The following NHEJ1 variants were observed in gnomAD, a reference collection of about 807,000 sequenced individuals.
NHEJ1 encodes non-homologous end joining factor 1, also known as non-homologous end-joining factor 1.
A neutral mutation model predicts 39.4 loss-of-function variants in NHEJ1; 22 were observed. The observed-to-expected ratio is 0.56, with a 90% CI of 0.40 to 0.80. The LOEUF is 0.80. NHEJ1 is among the 30% of genes least tolerant of loss of function. The probability of loss-of-function intolerance (pLI) is 0.00; values close to 1 mark genes in which losing one functional copy is unlikely to be tolerated. For missense variants in NHEJ1, 329 were observed against 357.1 expected (o/e 0.92, Z 0.63); for synonymous variants, 154 against 135.6 (o/e 1.14, Z -0.94).
chr2:219,150,595 G>A (rs909278612), intron 3 of NHEJ1, among the ~76,000 whole-genome samples: 18 of 152,172 alleles, frequency 1.2e-4, no homozygotes, highest in African/African-American at 3.1e-4. Context: ...CAAGGCAGGC[G>A]GATCGCTTGA....
intron 5 of NHEJ1, among the ~76,000 whole-genome samples, chr2:219,110,824 G>A (rs924475941): frequency 1.2e-4 from 19 of 152,160 alleles, no homozygotes; most frequent in Admixed American, 5.9e-4. Context: ...GGAAGGAGGC[G>A]GCCACCGTGG....
At position 219,147,680 on chromosome 2, in the gene NHEJ1, T is replaced by A. The variant is rs1244437243; in HGVS notation, c.506A>T (p.Glu169Val). The change falls in exon 4 of 8, where the codon GAG (glutamate) becomes GTG (valine). Residue 169 changes from glutamate (E) to valine (V), a missense_variant. Physicochemically the swap from Glu to Val is moderately radical, Grantham distance 121. Coordinates refer to ENST00000356853, the MANE Select transcript of NHEJ1 (RefSeq NM_024782.3). Reference sequence around the variant, plus strand: ...ACCTCGAATCAGCGTAGCCCCACTCTCCTGGTAGTCTTGGATCTCTAGGTC... The same window carrying A: ...ACCTCGAATCAGCGTAGCCCCACTCACCTGGTAGTCTTGGATCTCTAGGTC... The part of the protein sequence containing the change: ...MKDLEIQDYQ[E>V]SGATLIRDRL... The A allele has an allele frequency of 2.5e-6, 4 of 1,614,222 alleles. No homozygotes were observed. The highest frequency in any genetic ancestry group is 3.4e-6 in the Non-Finnish European group (4 of 1,180,036).
chr2:219,123,375 G>A (rs1949488792), intron 5 of NHEJ1, among the ~76,000 whole-genome samples: 1 of 152,178 alleles, frequency 6.6e-6, no homozygotes, highest in Non-Finnish European at 1.5e-5. Flanking sequence ...TACGACTGAT[G>A]CAGTGAGAGA....
chr2:219,074,369 C>T lies in NHEJ1; in HGVS notation c.*2012G>A, dbSNP rs1022803451. Among the ~76,000 whole-genome samples the T allele has an allele frequency of 1.3e-5, 2 of 152,180 alleles. No individual in the cohort carries two copies. The highest frequency in any genetic ancestry group is 2.9e-5 in the Non-Finnish European group (2 of 68,030). On this transcript the variant is annotated 3_prime_UTR_variant, in exon 8 of 8. Transcript: ENST00000356853. ...CCAGGGTGAAGAACCGGTATTTTCT[C>T]CAAGCTTGCAGGGGAAGCCTTTCCA...
rs114260982 is a variant in NHEJ1, at chr2:219,089,231, C to T, written c.589-11025G>A. 8.3e-3 allele frequency among the ~76,000 whole-genome samples: 1,263 copies of T among 152,222 alleles called. 9 individuals are homozygous for T. Among genetic ancestry groups the T allele is most frequent in the African/African-American group, 0.028 (1,181 of 41,500 alleles). On this transcript the variant is annotated intron_variant, in intron 5 of 7. Transcript: ENST00000356853. ...TACTATATGACCCAGCAATTCTACT[C>T]CTAGGTACATACCCAAGAGAACGGA...
chr2:219,154,762 T>C (rs7572601), intron 3 of NHEJ1, among the ~76,000 whole-genome samples: 106,629 of 151,200 alleles, frequency 0.71, 38,137 homozygotes, highest in Non-Finnish European at 0.76. Flanking sequence ...ACTCATCCCT[T>C]CCTAAACACT....
Position 219,080,123 on chromosome 2 carries a change from G to A in NHEJ1, c.589-1917C>T, listed in dbSNP as rs151037264. Among the ~76,000 whole-genome samples the A allele has an allele frequency of 1.2e-3, 176 of 152,276 alleles. 1 individual carries two copies. The highest frequency in any genetic ancestry group is 2.1e-3 in the Non-Finnish European group (143 of 68,006). On this transcript the variant is annotated intron_variant, in intron 5 of 7. Transcript: ENST00000356853. ...TGTGGAACCTAATCTAAGCCCTTCC[G>A]CTGTCCTTCCCCTTCTCAGAGAGAT...
At chr2:219,098,547 T>C (rs1574710446) in intron 5 of NHEJ1, among the ~76,000 whole-genome samples, 1 of 152,178 alleles carries the variant, frequency 6.6e-6, no homozygotes, top group East Asian at 1.9e-4. Context: ...AGTAGAAGTA[T>C]GGTTTAAGTC....
chr2:219,077,439 G>T, intron 6 of NHEJ1, 75 bp from the exon 7 acceptor site: 1 of 1,157,734 alleles, frequency 8.6e-7, no homozygotes, highest in Non-Finnish European at 1.3e-6. Context: ...CATTCACCAA[G>T]CATTCTGATA....
chr2:219,098,966 T>C (rs1325114645), intron 5 of NHEJ1, among the ~76,000 whole-genome samples: 2 of 151,934 alleles, frequency 1.3e-5, no homozygotes, highest in Admixed American at 6.6e-5. Context: ...CAATTGACCA[T>C]AGATGCTGGG....
At position 219,159,566 on chromosome 2, in the gene NHEJ1, T is replaced by TATATATATGTGC. The variant is rs1949902636; in HGVS notation, c.-1+1153_-1+1154insGCACATATATAT. Among the ~76,000 whole-genome samples, 3 of 17,682 alleles carry TATATATATGTGC rather than the reference T, an allele frequency of 1.7e-4. 1 individual carries two copies. Among genetic ancestry groups the TATATATATGTGC allele is most frequent in the African/African-American group, 4.6e-4 (3 of 6,574 alleles). The allele number at this position is 17,682 out of a possible 152,430, so 11.6% of individuals were successfully genotyped here. On this transcript the variant is annotated intron_variant, in intron 1 of 7. Transcript: ENST00000356853. ...ATATATATATGCATATATATATGCA[T>TATATATATGTGC]ATATATATGCATATATATATGCATA...
chr2:219,120,403 C>T (rs369699441), intron 5 of NHEJ1, among the ~76,000 whole-genome samples: 21 of 151,916 alleles, frequency 1.4e-4, no homozygotes, highest in Admixed American at 4.6e-4. Context: ...AAGATCAAGA[C>T]AAAAATATAA....
chr2:219,154,799 C>A (rs1002735859), intron 3 of NHEJ1, among the ~76,000 whole-genome samples: 8 of 150,644 alleles, frequency 5.3e-5, no homozygotes, highest in Non-Finnish European at 1.0e-4. Context: ...AATGTAGTTC[C>A]CCAATTAGAG....
chr2:219,137,595 A>AC (rs1553547570), intron 5 of NHEJ1, among the ~76,000 whole-genome samples: 15 of 82,772 alleles, frequency 1.8e-4, no homozygotes, highest in Admixed American at 3.6e-4. Context: ...AAAAAAAACA[A>AC]AAAAAACTGA....
At chr2:219,131,267 G>A (rs566352240) in intron 5 of NHEJ1, among the ~76,000 whole-genome samples, 17 of 152,284 alleles carry the variant, frequency 1.1e-4, no homozygotes, top group African/African-American at 4.1e-4. Context: ...CATTGCGGGG[G>A]TCACCAAAGG....
intron 5 of NHEJ1, among the ~76,000 whole-genome samples, chr2:219,119,326 G>A (rs1949448699): frequency 6.6e-6 from 1 of 152,222 alleles, no homozygotes; most frequent in Non-Finnish European, 1.5e-5. Flanking sequence ...GCATCTGGTG[G>A]AATTGGCCCT....
rs143557047 is a variant in NHEJ1, at chr2:219,137,595, A to AAAAAAAAAAAAAC, written c.588+9084_588+9085insGTTTTTTTTTTTT. Among the ~76,000 whole-genome samples the AAAAAAAAAAAAAC allele has an allele frequency of 1.0e-3, 84 of 82,738 alleles. 4 individuals are homozygous for AAAAAAAAAAAAAC. Among genetic ancestry groups the AAAAAAAAAAAAAC allele is most frequent in the Middle Eastern group, 8.6e-3 (1 of 116 alleles). The allele number at this position is 82,738 out of a possible 152,430, so 54.3% of individuals were successfully genotyped here. ...CAAAAAAAAAAAAAAAAAAAAAACA[A>AAAAAAAAAAAAAC]AAAAAACTGAAAACCACCTTCAGAA... On this transcript the variant is annotated intron_variant, in intron 5 of 7. Coordinates refer to ENST00000356853, the MANE Select transcript of NHEJ1 (RefSeq NM_024782.3).
chr2:219,098,727 G>T (rs1949230328), intron 5 of NHEJ1, among the ~76,000 whole-genome samples: 1 of 152,124 alleles, frequency 6.6e-6, no homozygotes. Flanking sequence ...GAGGTAGGAG[G>T]ATTGCTTAAG....
intron 4 of NHEJ1, 37 bp from the exon 5 acceptor site, chr2:219,146,775 C>A: frequency 1.3e-6 from 2 of 1,494,372 alleles, no homozygotes; most frequent in South Asian, 1.1e-5. Context: ...AAATATGAGT[C>A]ATACAGGATG....
Sources: gnomAD v4.1 joint callset for allele counts (sites outside exome capture counted in the v4.1 genomes callset) on GRCh38, gnomAD v4.1.1 for gene constraint, MANE v1.5 for transcripts, NCBI Gene and HGNC (gene_info 2026-07-23, HGNC 2026-07-21) for gene names.